Variants in ZNF439 observed in about 807,000 individuals in gnomAD.
ZNF439 encodes the protein zinc finger protein 439.
In ZNF439, 40 loss-of-function variants were observed where a neutral mutation model predicts 47.3. That is an observed-to-expected ratio of 0.85 (90% CI 0.66 to 1.10). ZNF439 has a LOEUF of 1.10. ZNF439 is among the 50% of genes least tolerant of loss of function. The pLI, the probability that ZNF439 is intolerant of heterozygous loss-of-function variation, is 0.00. For synonymous variants in ZNF439, 171 were observed against 198.8 expected (o/e 0.86, Z 1.18); for missense variants, 556 against 601.1 (o/e 0.93, Z 0.78).
At chr19:11,865,383 C>T (rs887634356) in intron 1 of ZNF439, among the ~76,000 whole-genome samples, 3 of 150,556 alleles carry the variant, frequency 2.0e-5, no homozygotes, top group African/African-American at 7.4e-5. Context: ...GATTCCTGGG[C>T]ATCATAATGG....
intron 1 of ZNF439, among the ~76,000 whole-genome samples, chr19:11,863,382 A>G (rs1976591576): frequency 6.6e-6 from 1 of 151,376 alleles, no homozygotes; most frequent in Non-Finnish European, 1.5e-5. Flanking sequence ...GTTGGTCTCA[A>G]CCTCCTGACC....
At chr19:11,858,344 T>A (rs1006698299) in intron 1 of ZNF439, 1 of 151,178 alleles carries the variant, frequency 6.6e-6, no homozygotes, top group Non-Finnish European at 1.5e-5. Context: ...CAGGCACCTG[T>A]AGTCCCAGCT....
chr19:11,852,595 C>T (rs981197006), intron 1 of ZNF439, among the ~76,000 whole-genome samples: 3 of 151,684 alleles, frequency 2.0e-5, no homozygotes, highest in African/African-American at 7.3e-5. Context: ...CTGCAGCCTC[C>T]ACCTCCTAGG....
chr19:11,849,205 G>A, intron 1 of ZNF439: 2 of 1,067,918 alleles, frequency 1.9e-6, no homozygotes, highest in East Asian at 9.9e-5. Context: ...CGGGGGCCAC[G>A]GGAGGGTCAT....
At chr19:11,864,952 G>A (rs1227501884) in intron 1 of ZNF439, among the ~76,000 whole-genome samples, 2 of 151,942 alleles carry the variant, frequency 1.3e-5, no homozygotes, top group Non-Finnish European at 2.9e-5. Flanking sequence ...GGCTAATTTT[G>A]TATTTTTAGT....
At chr19:11,866,727 A>G (rs576963397) in intron 3 of ZNF439, 130 bp downstream of exon 3, 668 of 965,040 alleles carry the variant, frequency 6.9e-4, no homozygotes, top group Non-Finnish European at 8.9e-4. Flanking sequence ...TATTTTATCT[A>G]AAAATATATA....
In ZNF439 at chr19:11,868,745, A is replaced by G. The variant is rs1489937169; in HGVS notation, c.*176A>G. 3 of 733,748 alleles carry G rather than the reference A, an allele frequency of 4.1e-6. No homozygotes were observed. Among genetic ancestry groups the G allele is most frequent in the Non-Finnish European group, 4.7e-6 (2 of 426,704 alleles). 45.5% of individuals were successfully genotyped at this position (733,748 alleles called of 1,614,324 possible). On this transcript the variant is annotated 3_prime_UTR_variant, in exon 4 of 4. Transcript: ENST00000682736. ...GAGAAAAACTCTATGAGTGTAAGCAATGTGGGAAAGTCTTCAGATCTGTCA... is the reference window on the plus strand; with the variant it reads ...GAGAAAAACTCTATGAGTGTAAGCAGTGTGGGAAAGTCTTCAGATCTGTCA...
Position 11,848,743 on chromosome 19 carries a change from G to T in ZNF439, c.-125G>T, listed in dbSNP as rs928087957. ...CCCTGCCCACTGTGCATCCAGGCAC[G>T]GAGGATGTTGCATTCCTGCCGTCAC... On this transcript the variant is annotated 5_prime_UTR_variant, in exon 1 of 4. Transcript: ENST00000682736. 84 of 1,213,846 alleles carry T rather than the reference G, an allele frequency of 6.9e-5. No individual in the cohort carries two copies. The highest frequency in any genetic ancestry group is 8.2e-5 in the Non-Finnish European group (78 of 946,106). The allele number at this position is 1,213,846 out of a possible 1,614,324, so 75.2% of individuals were successfully genotyped here.
intron 1 of ZNF439, among the ~76,000 whole-genome samples, chr19:11,860,758 G>A (rs541292192): frequency 6.6e-6 from 1 of 152,174 alleles, no homozygotes. Flanking sequence ...TTGATTTAGA[G>A]CAGGCCTGCA....
At chr19:11,856,914 C>G (rs1455278908) in intron 1 of ZNF439, 1 of 152,212 alleles carries the variant, frequency 6.6e-6, no homozygotes, top group Admixed American at 6.5e-5. Flanking sequence ...ACAAGCTAAG[C>G]AGTTCTGGCT....
intron 1 of ZNF439, among the ~76,000 whole-genome samples, chr19:11,864,347 G>A (rs1976616667): frequency 6.6e-6 from 1 of 152,148 alleles, no homozygotes; most frequent in Non-Finnish European, 1.5e-5. Context: ...GCCCAGGCTA[G>A]AGTGCAATGG....
At chr19:11,866,482 A>C (rs1976686767) in intron 2 of ZNF439, 55 bp from the exon 3 acceptor site, 2 of 1,605,326 alleles carry the variant, frequency 1.2e-6, no homozygotes, top group African/African-American at 2.7e-5. Flanking sequence ...AGGTCTAATA[A>C]TTTTTTCACA....
chr19:11,858,756 G>A, intron 1 of ZNF439, among the ~76,000 whole-genome samples: 1 of 152,134 alleles, frequency 6.6e-6, no homozygotes, highest in East Asian at 1.9e-4. Context: ...ACCCACACAG[G>A]TTTGTCACTG....
chr19:11,868,371 A>G lies in ZNF439; in HGVS notation c.1317A>G (p.Gly439=). 1.2e-6 allele frequency: 2 copies of G among 1,606,106 alleles called. No individual in the cohort carries two copies. The highest frequency in any genetic ancestry group is 2.7e-5 in the African/African-American group (2 of 74,892). Residue 439 remains glycine (G), a synonymous_variant, in exon 4 of 4, where the codon GGA becomes GGG. Transcript: ENST00000682736. ...AATTGCATGGTAGGACTCACACTGGAGAGAAACCGTATCAATGTAAGGAAT... is the reference window on the plus strand; with the variant it reads ...AATTGCATGGTAGGACTCACACTGGGGAGAAACCGTATCAATGTAAGGAAT... ...NLQLHGRTHT[G]EKPYQCKECG...
At chr19:11,865,306 TG>T (rs1976644440) in intron 1 of ZNF439, among the ~76,000 whole-genome samples, 3 of 152,072 alleles carry the variant, frequency 2.0e-5, no homozygotes, top group Admixed American at 2.0e-4. Context: ...TTTTCAGTAA[TG>T]TCCTGTTTGC....
chr19:11,858,483 A>AAG (rs1568256217), intron 1 of ZNF439, among the ~76,000 whole-genome samples: 1 of 108,130 alleles, frequency 9.2e-6, no homozygotes, highest in Non-Finnish European at 1.8e-5. Flanking sequence ...AAAAAAAAAA[A>AAG]GGGGGTCTAT....
At chr19:11,850,639 A>G (rs1030938476) in intron 1 of ZNF439, 3 of 152,208 alleles carry the variant, frequency 2.0e-5, no homozygotes, top group Non-Finnish European at 4.4e-5. Context: ...ATATTACTGA[A>G]AAAAGAGGTC....
chr19:11,851,159 G>C (rs1976228582), intron 1 of ZNF439: 1 of 152,218 alleles, frequency 6.6e-6, no homozygotes, highest in Non-Finnish European at 1.5e-5. Flanking sequence ...CTCTGTTACA[G>C]AGTAGGGCAT....
chr19:11,866,118 C>T (rs374065724), intron 1 of ZNF439, 87 bp from the exon 2 acceptor site: 840 of 1,586,692 alleles, frequency 5.3e-4, no homozygotes, highest in Non-Finnish European at 7.0e-4. Flanking sequence ...GAGTCCACGG[C>T]ATCCTGAGAA....
Sources: gnomAD v4.1 joint callset for allele counts (sites outside exome capture counted in the v4.1 genomes callset) on GRCh38, gnomAD v4.1.1 for gene constraint, MANE v1.5 for transcripts, NCBI Gene and HGNC (gene_info 2026-07-23, HGNC 2026-07-21) for gene names.